Variants in ETFA observed in about 807,000 individuals in gnomAD.
The protein encoded by ETFA is electron transfer flavoprotein subunit alpha, mitochondrial.
In ETFA, 22 loss-of-function variants were observed where a neutral mutation model predicts 46.2. The ratio of observed to expected loss-of-function variants is 0.48; its 90% CI spans 0.34 to 0.68. ETFA has a LOEUF of 0.68. Ranked by LOEUF, ETFA falls within the 30% of genes least tolerant of loss-of-function variation. The pLI is 0.01. For missense variants in ETFA, 345 were observed against 401.1 expected, an observed-to-expected ratio of 0.86 and a Z score of 1.19; for synonymous variants, 131 against 139.9, an observed-to-expected ratio of 0.94 and a Z score of 0.45.
intron 9 of ETFA, among the ~76,000 whole-genome samples, chr15:76,247,612 G>A (rs567683271): frequency 2.0e-5 from 3 of 151,978 alleles, no homozygotes; most frequent in South Asian, 2.1e-4. Flanking sequence ...TTTTTTTTAC[G>A]TGGTCTTGGT....
intron 1 of ETFA, among the ~76,000 whole-genome samples, chr15:76,300,002 C>G (rs1228824522): frequency 6.6e-6 from 1 of 152,196 alleles, no homozygotes; most frequent in African/African-American, 2.4e-5. Flanking sequence ...CTCATTCTCA[C>G]TCCCTCCTCA....
At chr15:76,288,492 G>A (rs1462816949) in intron 4 of ETFA, among the ~76,000 whole-genome samples, 1 of 152,044 alleles carries the variant, frequency 6.6e-6, no homozygotes, top group Non-Finnish European at 1.5e-5. Context: ...ATCACCTGAG[G>A]CCAGGAGTTT....
chr15:76,300,711 CCT>C (rs2039871548), intron 1 of ETFA, among the ~76,000 whole-genome samples: 1 of 152,210 alleles, frequency 6.6e-6, no homozygotes, highest in Non-Finnish European at 1.5e-5. Context: ...AAACTAGACT[CCT>C]TAGGTTGGTT....
chr15:76,307,694 G>A (rs1265776349), intron 1 of ETFA, among the ~76,000 whole-genome samples: 2 of 151,816 alleles, frequency 1.3e-5, no homozygotes, highest in Non-Finnish European at 2.9e-5. Context: ...ATGTTGCGCA[G>A]GCTGGTCTCG....
At chr15:76,309,656 T>G (rs1181901312) in intron 1 of ETFA, among the ~76,000 whole-genome samples, 1 of 152,222 alleles carries the variant, frequency 6.6e-6, no homozygotes, top group Non-Finnish European at 1.5e-5. Context: ...TACTGAGTCC[T>G]AAATTCCATC....
intron 9 of ETFA, among the ~76,000 whole-genome samples, chr15:76,232,657 G>A (rs1455839665): frequency 6.6e-6 from 1 of 152,136 alleles, no homozygotes; most frequent in East Asian, 1.9e-4. Flanking sequence ...TGAAAATAAT[G>A]TTATTACCTC....
intron 9 of ETFA, among the ~76,000 whole-genome samples, chr15:76,266,639 C>T (rs2039472933): frequency 6.6e-6 from 1 of 152,196 alleles, no homozygotes. Flanking sequence ...TGCGGTGACT[C>T]ATGCCTGTAA....
intron 8 of ETFA, among the ~76,000 whole-genome samples, chr15:76,281,836 AT>A (rs1212878189): frequency 4.7e-5 from 7 of 149,504 alleles, no homozygotes; most frequent in Non-Finnish European, 1.0e-4. Flanking sequence ...AAAGCTAAGG[AT>A]CTTGAGAGGG....
intron 9 of ETFA, chr15:76,260,836 C>G (rs2141494314): frequency 6.2e-7 from 1 of 1,611,186 alleles, no homozygotes; most frequent in East Asian, 2.2e-5. Context: ...TAGCTGGTGG[C>G]AGGCACCAGG....
rs996941261 is a variant in ETFA, at chr15:76,223,233, T to C, written c.963+2616A>G. Among the ~76,000 whole-genome samples the C allele has an allele frequency of 1.3e-4, 20 of 151,196 alleles. 1 individual carries two copies. Among genetic ancestry groups the C allele is most frequent in the Non-Finnish European group, 2.2e-4 (15 of 67,690 alleles). On this transcript the variant is annotated intron_variant, in intron 11 of 11. Transcript: ENST00000557943. Reference sequence around the variant, plus strand: ...CTTCAGAACTTTTTTTTTTTTTTTTTTTGAGACAGAGTCTTGCTCTGTTGC... The same window carrying C: ...CTTCAGAACTTTTTTTTTTTTTTTTCTTGAGACAGAGTCTTGCTCTGTTGC...
intron 9 of ETFA, among the ~76,000 whole-genome samples, chr15:76,239,379 A>G (rs1206043214): frequency 6.6e-6 from 1 of 152,216 alleles, no homozygotes; most frequent in East Asian, 1.9e-4. Flanking sequence ...TCACATCACA[A>G]TTACTTTTTG....
chr15:76,307,951 A>G (rs912875318), intron 1 of ETFA, among the ~76,000 whole-genome samples: 103 of 151,452 alleles, frequency 6.8e-4, no homozygotes, highest in African/African-American at 2.4e-3. Context: ...TTTTTTTTTA[A>G]TTTCAAGAGT....
Position 76,216,525 on chromosome 15 carries a change from AAC to A in ETFA, c.*32_*33del. The A allele has an allele frequency of 7.7e-7, 1 of 1,304,898 alleles. No homozygotes were observed. Among genetic ancestry groups the A allele is most frequent in the South Asian group, 1.2e-5 (1 of 84,552 alleles). 80.8% of individuals were successfully genotyped at this position (1,304,898 alleles called of 1,614,324 possible). ...ATCTGTGATTTCAGTGGAATACTTT[AAC>A]AAAAGTTTTCTTTTTAAGGCATGAT... On this transcript the variant is annotated 3_prime_UTR_variant, in exon 12 of 12. Transcript: ENST00000557943.
chr15:76,237,849 T>C (rs1393952975), intron 9 of ETFA, among the ~76,000 whole-genome samples: 2 of 152,212 alleles, frequency 1.3e-5, no homozygotes, highest in Non-Finnish European at 2.9e-5. Context: ...CTTGATACAA[T>C]TCTTCCAGGG....
chr15:76,286,678 T>C (rs2039708069), intron 5 of ETFA, among the ~76,000 whole-genome samples, 197 bp from the exon 6 acceptor site: 1 of 152,164 alleles, frequency 6.6e-6, no homozygotes, highest in South Asian at 2.1e-4. Context: ...TAACCCTGGA[T>C]GTCTTTAAAA....
At chr15:76,261,413 A>G (rs1315590774) in intron 9 of ETFA, 8 of 1,296,400 alleles carry the variant, frequency 6.2e-6, no homozygotes, top group Non-Finnish European at 8.8e-6. Flanking sequence ...AAGCCGATCC[A>G]GTGCTGCTCG....
chr15:76,270,596 A>G (rs1018222723), intron 9 of ETFA, among the ~76,000 whole-genome samples: 2 of 152,198 alleles, frequency 1.3e-5, no homozygotes, highest in South Asian at 2.1e-4. Context: ...TGGCTTCTAA[A>G]TACTTTTCTT....
intron 1 of ETFA, among the ~76,000 whole-genome samples, chr15:76,306,253 G>GGGTT (rs2039938805): frequency 7.7e-6 from 1 of 129,036 alleles, no homozygotes; most frequent in African/African-American, 2.8e-5. Context: ...GGGCAGGGGA[G>GGGTT]GGTTTTTTTG....
intron 8 of ETFA, among the ~76,000 whole-genome samples, chr15:76,275,205 G>A (rs1284750498): frequency 1.3e-5 from 2 of 152,090 alleles, no homozygotes; most frequent in Non-Finnish European, 2.9e-5. Flanking sequence ...TGCTCTGCAT[G>A]CTCCCTAACC....
Sources: gnomAD v4.1 joint callset for allele counts (sites outside exome capture counted in the v4.1 genomes callset) on GRCh38, gnomAD v4.1.1 for gene constraint, MANE v1.5 for transcripts, NCBI Gene and HGNC (gene_info 2026-07-23, HGNC 2026-07-21) for gene names.